NRL: variants seen among roughly 807,000 people sequenced by gnomAD.
NRL encodes neural retina leucine zipper.
Under a neutral mutation model 12.5 loss-of-function variants are expected in NRL, and 16 were observed. The observed-to-expected ratio is 1.28, with a 90% CI of 0.87 to 1.95. The LOEUF (loss-of-function observed/expected upper bound fraction) is 1.95. NRL is among the 30% of genes most tolerant of loss of function. The probability of loss-of-function intolerance (pLI) is 0.00; values close to 1 mark genes in which losing one functional copy is unlikely to be tolerated. For missense variants in NRL, 314 were observed against 325.8 expected, an observed-to-expected ratio of 0.96 and a Z score of 0.28; for synonymous variants, 142 against 150.9, an observed-to-expected ratio of 0.94 and a Z score of 0.43.
In NRL at chr14:24,105,122, T is replaced by C. The variant is rs150567991; in HGVS notation, c.-28+9600A>G. 3.5e-3 allele frequency among the ~76,000 whole-genome samples: 538 copies of C among 152,330 alleles called. 4 individuals are homozygous for C. The highest frequency in any genetic ancestry group is 0.012 in the African/African-American group (510 of 41,570). Reference sequence around the variant, plus strand: ...GTTTTTATAGATTAACTAAAAGTATTCCTTACGGGAAACAAAGGGATGGGC... The same window carrying C: ...GTTTTTATAGATTAACTAAAAGTATCCCTTACGGGAAACAAAGGGATGGGC... On this transcript the variant is annotated intron_variant, in intron 1 of 2. Coordinates refer to ENST00000561028, the MANE Select transcript of NRL (RefSeq NM_001354768.3).
chr14:24,103,192 C>T lies in NRL; in HGVS notation c.-28+11530G>A, dbSNP rs141383988. 2.6e-4 allele frequency: 427 copies of T among 1,613,964 alleles called. No individual in the cohort carries two copies. The African/African-American group carries it at 4.9e-3, about 18-fold the overall frequency. On this transcript the variant is annotated intron_variant, in intron 1 of 2. Coordinates refer to ENST00000561028, the MANE Select transcript of NRL (RefSeq NM_001354768.3). ...CCTGGTATACGAGGCCTTCAACTGG[C>T]GTCATGGGGTGTTTGTGGGCAGCGC...
At chr14:24,083,068 C>T (rs1403833342) in intron 1 of NRL, among the ~76,000 whole-genome samples, 193 bp from the exon 2 acceptor site, 3 of 152,232 alleles carry the variant, frequency 2.0e-5, no homozygotes, top group Admixed American at 6.5e-5. Context: ...GGGCTCCTGA[C>T]AGGGGACAAG....
rs1228853492 is a variant in NRL, at chr14:24,103,127, G to A, written c.-28+11595C>T. The A allele has an allele frequency of 5.2e-6, 8 of 1,540,248 alleles. No individual in the cohort carries two copies. In the Admixed American group the frequency reaches 1.3e-4, roughly 26 times the overall value. ...GCTGGAGTTAGGGTCCAAAGAAAAG[G>A]GCTGCCTGTGACTCTGTTCATTGGT... On this transcript the variant is annotated intron_variant, in intron 1 of 2. Transcript: ENST00000561028.
At chr14:24,090,128 C>A (rs748333668) in intron 1 of NRL, among the ~76,000 whole-genome samples, 9 of 151,914 alleles carry the variant, frequency 5.9e-5, no homozygotes, top group Non-Finnish European at 1.2e-4. Flanking sequence ...TATGTCAGCA[C>A]TTTGTGTTTG....
chr14:24,081,224 G>C lies in NRL; in HGVS notation c.*12C>G. The C allele has an allele frequency of 6.8e-7, 1 of 1,464,040 alleles. No homozygotes were observed. The highest frequency in any genetic ancestry group is 9.1e-7 in the Non-Finnish European group (1 of 1,103,880). The allele number at this position is 1,464,040 out of a possible 1,614,324, so 90.7% of individuals were successfully genotyped here. A position where few individuals can be genotyped will look rare whatever the true frequency, so the allele number is the denominator to read the frequency against. On this transcript the variant is annotated 3_prime_UTR_variant, in exon 3 of 3. Transcript: ENST00000561028. The surrounding 1 kb of genome is among the most constrained non-coding windows in gnomAD (Gnocchi z 4.4). ...CCCAGCCCCCACTACACCACAAGGT[G>C]CTCTGAACGGCTCAGAGGAAGAGGT...
At chr14:24,086,702 C>A (rs1344293804) in intron 1 of NRL, among the ~76,000 whole-genome samples, 2 of 152,238 alleles carry the variant, frequency 1.3e-5, no homozygotes, top group East Asian at 1.9e-4. Flanking sequence ...TTGCCCCCAA[C>A]CAGCAGCTGT....
At chr14:24,082,934 C>A in intron 1 of NRL, 59 bp from the exon 2 acceptor site, 1 of 1,496,654 alleles carries the variant, frequency 6.7e-7, no homozygotes. Context: ...CCCTCTTCAC[C>A]AAGTCCCTCT....
At chr14:24,103,260 G>GGGTGCT in intron 1 of NRL, 1 of 1,607,574 alleles carries the variant, frequency 6.2e-7, no homozygotes, top group Non-Finnish European at 8.5e-7. Flanking sequence ...ACAAAGGTGA[G>GGGTGCT]CACCCTCACC....
rs527236087 is a variant in NRL, at chr14:24,082,825, CA to C, written c.23del (p.Leu8ArgfsTer11). On this transcript the variant is annotated frameshift_variant, in exon 2 of 3. Coordinates refer to ENST00000561028, the MANE Select transcript of NRL (RefSeq NM_001354768.3). LOFTEE classifies it high-confidence loss of function. MALPPSP[L>X]AMEYVNDFDL... ...CAAAGTCATTGACATATTCCATGGCCAGGGGGCTGGGGGGCAGGGCCATTCT... is the reference window on the plus strand; with the variant it reads ...CAAAGTCATTGACATATTCCATGGCCGGGGGCTGGGGGGCAGGGCCATTCT... 1 of 1,613,458 alleles carries C rather than the reference CA, an allele frequency of 6.2e-7. No homozygotes were observed. Among genetic ancestry groups the C allele is most frequent in the African/African-American group, 1.3e-5 (1 of 74,922 alleles).
At chr14:24,090,968 A>G (rs2036611009) in intron 1 of NRL, among the ~76,000 whole-genome samples, 1 of 152,202 alleles carries the variant, frequency 6.6e-6, no homozygotes, top group South Asian at 2.1e-4. Context: ...GAACTAGGAG[A>G]AAAACAAGAC....
At position 24,081,333 on chromosome 14, in the gene NRL, G is replaced by A; in HGVS notation, c.617C>T (p.Ala206Val). The stretch of plus-strand genomic sequence containing the variant: ...GAGATCGCGCTCCCGGGCCAGGCGG[G>A]CCACCTCGGCCCGCAGCGCGTCCAG... ...AQLDALRAEVARLARERDLYK... is the reference protein window; with the variant it reads ...AQLDALRAEVVRLARERDLYK... Residue 206 changes from alanine to valine, a missense_variant, in exon 3 of 3, where the codon GCC becomes GTC. Ala to Val is a moderately conservative substitution (Grantham distance 64, BLOSUM62 0). Coordinates refer to ENST00000561028, the MANE Select transcript of NRL (RefSeq NM_001354768.3). This position sits in a 1 kb window ranked among gnomAD's most constrained non-coding sequence, Gnocchi z 4.4. 1 of 1,474,318 alleles carries A rather than the reference G, an allele frequency of 6.8e-7. No individual in the cohort carries two copies. Among genetic ancestry groups the A allele is most frequent in the African/African-American group, 1.5e-5 (1 of 68,460 alleles). 91.3% of individuals were successfully genotyped at this position (1,474,318 alleles called of 1,614,324 possible). A position where few individuals can be genotyped will look rare whatever the true frequency, so the allele number is the denominator to read the frequency against.
intron 1 of NRL, chr14:24,102,708 T>A: frequency 6.4e-7 from 1 of 1,558,196 alleles, no homozygotes; most frequent in Non-Finnish European, 8.8e-7. Context: ...GTGTTGGGGG[T>A]CGACATGACC....
rs575194139 is a variant in NRL at position 24,097,238 on chromosome 14, C to T, written c.-27-14363G>A. Reference sequence around the variant, plus strand: ...AACTAGAACATCCCAATGGAATGAACAAGAATGAGAGCTTTGGGGTAAACA... The same window carrying T: ...AACTAGAACATCCCAATGGAATGAATAAGAATGAGAGCTTTGGGGTAAACA... On this transcript the variant is annotated intron_variant, in intron 1 of 2. Transcript: ENST00000561028. The T allele has an allele frequency of 1.3e-4, 139 of 1,107,832 alleles. 2 individuals carry two copies. The South Asian group carries it at 1.9e-3, about 15-fold the overall frequency. The allele number at this position is 1,107,832 out of a possible 1,614,324, so 68.6% of individuals were successfully genotyped here.
intron 1 of NRL, chr14:24,104,279 C>A: frequency 2.9e-6 from 1 of 349,344 alleles, no homozygotes; most frequent in South Asian, 2.9e-5. Flanking sequence ...GGGTCACAGA[C>A]ATAGGAATTG....
chr14:24,111,231 G>A (rs893474599), intron 1 of NRL, among the ~76,000 whole-genome samples: 2 of 151,738 alleles, frequency 1.3e-5, no homozygotes, highest in Non-Finnish European at 2.9e-5. Context: ...CCTCCTCCTC[G>A]GCCTCCCACA....
At chr14:24,103,697 T>C (rs1173626978) in intron 1 of NRL, 1 of 1,614,152 alleles carries the variant, frequency 6.2e-7, no homozygotes, top group Non-Finnish European at 8.5e-7. Context: ...GGGAGAATGC[T>C]CGGGTGCTAG....
At position 24,114,903 on chromosome 14, in the gene NRL, G is replaced by C. The variant is rs17101347; in HGVS notation, c.-209C>G. The C allele has an allele frequency of 3.0e-6, 3 of 985,830 alleles. No homozygotes were observed. Among genetic ancestry groups the C allele is most frequent in the African/African-American group, 1.7e-5 (1 of 57,246 alleles). 61.1% of individuals were successfully genotyped at this position (985,830 alleles called of 1,614,324 possible). On this transcript the variant is annotated 5_prime_UTR_variant, in exon 1 of 3. Transcript: ENST00000561028. ...TAAACAAGGCCTCGCGCCGCTGCGG[G>C]TCCTGCGACCGCTCCTGGCTGGTGG...
At chr14:24,109,618 A>T (rs1284862590) in intron 1 of NRL, among the ~76,000 whole-genome samples, 7 of 151,848 alleles carry the variant, frequency 4.6e-5, no homozygotes, top group Non-Finnish European at 1.0e-4. Context: ...GAATAGCATG[A>T]ACCCGGGAGG....
In NRL at chr14:24,094,391, C is replaced by T; in HGVS notation, c.-27-11516G>A. On this transcript the variant is annotated intron_variant, in intron 1 of 2. Coordinates refer to ENST00000561028, the MANE Select transcript of NRL (RefSeq NM_001354768.3). This position sits in a 1 kb window ranked among gnomAD's most constrained non-coding sequence, Gnocchi z 4.1. ...GCTCGGTTCCTGGCCACCCCGCAGC[C>T]CCTGCCCAGGTGCCATGGCCGCATT... The T allele has an allele frequency of 6.4e-7, 1 of 1,553,032 alleles. No homozygotes were observed. The highest frequency in any genetic ancestry group is 8.7e-7 in the Non-Finnish European group (1 of 1,153,390).
Sources: allele counts gnomAD v4.1 joint callset (sites outside exome capture counted in the v4.1 genomes callset), GRCh38; gene constraint gnomAD v4.1.1; non-coding constraint Gnocchi (gnomAD v3.1); transcripts MANE v1.5; gene names NCBI Gene and HGNC (gene_info 2026-07-23, HGNC 2026-07-21).